AP1M1: variants seen among roughly 807,000 people sequenced by gnomAD.
AP1M1 encodes adaptor related protein complex 1 subunit mu 1.
AP1M1 carries 18 observed loss-of-function variants against 57.1 expected under a neutral mutation model. The ratio of observed to expected loss-of-function variants is 0.32; its 90% confidence interval spans 0.22 to 0.47. The LOEUF (loss-of-function observed/expected upper bound fraction) is 0.47, where lower values mean the gene tolerates loss of function less well. Ranked by LOEUF, AP1M1 falls within the 20% of genes least tolerant of loss-of-function variation. AP1M1 has a pLI of 1.00. For synonymous variants in AP1M1, 241 were observed against 237.9 expected (o/e 1.01, Z -0.12); for missense variants, 362 against 593.5 (o/e 0.61, Z 4.05).
Position 16,225,037 on chromosome 19 carries a change from C to T in AP1M1, c.547-1384C>T, listed in dbSNP as rs944816498. ...CACCATGGGATCAGGGAGCCGCTTG[C>T]GAGATGAGGACAGGACAGCACGAGG... On this transcript the variant is annotated intron_variant, in intron 5 of 11. Coordinates refer to ENST00000291439, the MANE Select transcript of AP1M1 (RefSeq NM_032493.4). Among the ~76,000 whole-genome samples the T allele has an allele frequency of 2.6e-5, 4 of 152,062 alleles. No individual in the cohort carries two copies. In the East Asian group the frequency reaches 5.8e-4, roughly 22 times the overall value.
At chr19:16,221,891 G>A (rs961990365) in intron 5 of AP1M1, among the ~76,000 whole-genome samples, 6 of 151,984 alleles carry the variant, frequency 3.9e-5, no homozygotes, top group African/African-American at 1.2e-4. Context: ...TCTCCATGTC[G>A]ATCAGGCTGG....
chr19:16,227,712 T>A lies in AP1M1; in HGVS notation c.816+22T>A. 6.2e-7 allele frequency: 1 copy of A among 1,608,952 alleles called. No homozygotes were observed. Among genetic ancestry groups the A allele is most frequent in the Non-Finnish European group, 8.5e-7 (1 of 1,176,458 alleles). ...CCACGTGAGTGCGCCACCCTGGGGC[T>A]GGGCTGTCGGCAGACTCCTCCTCCC... On this transcript the variant is annotated intron_variant, in intron 7 of 11. Transcript: ENST00000291439. The surrounding 1 kb of genome is among the most constrained non-coding windows in gnomAD (Gnocchi z 6.2).
intron 5 of AP1M1, among the ~76,000 whole-genome samples, chr19:16,221,153 G>A (rs1042979918): frequency 6.6e-6 from 1 of 152,078 alleles, no homozygotes; most frequent in Non-Finnish European, 1.5e-5. Flanking sequence ...TTGAGACAGA[G>A]TTTCATTCTT....
At position 16,237,589 on chromosome 19, in the gene AP1M1, C is replaced by G. The variant is rs1391196546; in HGVS notation, c.*3154C>G. 1 of 151,602 alleles carries G rather than the reference C, an allele frequency of 6.6e-6. No homozygotes were observed. Among genetic ancestry groups the G allele is most frequent in the African/African-American group, 2.4e-5 (1 of 41,264 alleles). The allele number at this position is 151,602 out of a possible 1,614,324, so 9.4% of individuals were successfully genotyped here. On this transcript the variant is annotated 3_prime_UTR_variant, in exon 12 of 12. Coordinates refer to ENST00000291439, the MANE Select transcript of AP1M1 (RefSeq NM_032493.4). ...CTCTACTAAAAATACCAAAATTAGCCAGGCATGGTGGCGGGCGCCTGTAAT... is the reference window on the plus strand; with the variant it reads ...CTCTACTAAAAATACCAAAATTAGCGAGGCATGGTGGCGGGCGCCTGTAAT...
At position 16,236,634 on chromosome 19, in the gene AP1M1, G is replaced by A. The variant is rs746804448; in HGVS notation, c.*2199G>A. The A allele has an allele frequency of 6.6e-6, 1 of 152,204 alleles. No individual in the cohort carries two copies. The highest frequency in any genetic ancestry group is 2.4e-5 in the African/African-American group (1 of 41,442). 9.4% of individuals were successfully genotyped at this position (152,204 alleles called of 1,614,324 possible). On this transcript the variant is annotated 3_prime_UTR_variant, in exon 12 of 12. Coordinates refer to ENST00000291439, the MANE Select transcript of AP1M1 (RefSeq NM_032493.4). Reference sequence around the variant, plus strand: ...GAAAAAACATTTGCCCTCCACCCCTGAGAATAAGCACTGTGTCCTCTCTCT... The same window carrying A: ...GAAAAAACATTTGCCCTCCACCCCTAAGAATAAGCACTGTGTCCTCTCTCT...
chr19:16,215,378 T>G (rs190281459), intron 5 of AP1M1, among the ~76,000 whole-genome samples: 11 of 141,250 alleles, frequency 7.8e-5, no homozygotes, highest in Admixed American at 5.3e-4. Flanking sequence ...GGAGAATTGC[T>G]TGAACCTGGG....
In AP1M1 at chr19:16,206,471, C is replaced by A; in HGVS notation, c.267+63C>A. The stretch of plus-strand genomic sequence containing the variant: ...GGTTGTCTTGGCTCTGCTTGTGGAC[C>A]TCCCCATACCTGGCCACCCTACAGA... On this transcript the variant is annotated intron_variant, in intron 3 of 11. Transcript: ENST00000291439. This position sits in a 1 kb window ranked among gnomAD's most constrained non-coding sequence, Gnocchi z 4.3. The A allele has an allele frequency of 6.4e-7, 1 of 1,550,636 alleles. No individual in the cohort carries two copies.
intron 4 of AP1M1, chr19:16,208,749 T>G (rs150070850): frequency 2.6e-4 from 88 of 334,184 alleles, no homozygotes; most frequent in African/African-American, 1.7e-3. Flanking sequence ...ACTTCTTGTT[T>G]TCCTTCCCAA....
chr19:16,203,440 T>C lies in AP1M1; in HGVS notation c.43-19T>C. 1.2e-6 allele frequency: 2 copies of C among 1,614,114 alleles called. No individual in the cohort carries two copies. Among genetic ancestry groups the C allele is most frequent in the South Asian group, 2.2e-5 (2 of 91,082 alleles). On this transcript the variant is annotated intron_variant, in intron 1 of 11. Transcript: ENST00000291439. The surrounding 1 kb of genome is among the most constrained non-coding windows in gnomAD (Gnocchi z 4.6). ...GAACTGAAAATGCAAGCATCTTTTC[T>C]CTTCCTTCCCCACCCCAGGTGCTCA...
rs979315746 is a variant in AP1M1, at chr19:16,235,099, C to T, written c.*664C>T. The T allele has an allele frequency of 2.6e-5, 4 of 152,448 alleles. No homozygotes were observed. The highest frequency in any genetic ancestry group is 4.8e-5 in the African/African-American group (2 of 41,464). The allele number at this position is 152,448 out of a possible 1,614,324, so 9.4% of individuals were successfully genotyped here. The stretch of plus-strand genomic sequence containing the variant: ...GTAGCGTCTGCCTGCTCCCTGGACT[C>T]GCAGGCCTCGCCTGTGGCGCCTTCC... On this transcript the variant is annotated 3_prime_UTR_variant, in exon 12 of 12. Transcript: ENST00000291439.
intron 9 of AP1M1, among the ~76,000 whole-genome samples, chr19:16,229,918 G>A (rs1031351765): frequency 6.6e-6 from 1 of 152,186 alleles, no homozygotes; most frequent in Non-Finnish European, 1.5e-5. Context: ...TCTTCTTGGC[G>A]GTCACCTTTG....
Position 16,238,980 on chromosome 19 carries a change from C to G in AP1M1, c.*4545C>G, listed in dbSNP as rs191341292. 3.4e-3 allele frequency: 516 copies of G among 153,074 alleles called. 1 individual carries two copies. The highest frequency in any genetic ancestry group is 6.6e-3 in the Middle Eastern group (2 of 302). The allele number at this position is 153,074 out of a possible 1,614,324, so 9.5% of individuals were successfully genotyped here. On this transcript the variant is annotated 3_prime_UTR_variant, in exon 12 of 12. Coordinates refer to ENST00000291439, the MANE Select transcript of AP1M1 (RefSeq NM_032493.4). The stretch of plus-strand genomic sequence containing the variant: ...CAGAGTTTTGCTCTTGTTGCCCAGG[C>G]TGGAGTGCAATGGTGTGATCTCGGC...
At chr19:16,208,512 A>G (rs189584709) in intron 4 of AP1M1, among the ~76,000 whole-genome samples, 1 of 152,234 alleles carries the variant, frequency 6.6e-6, no homozygotes, top group African/African-American at 2.4e-5. Context: ...ATGTGAATTA[A>G]GTGCTTCCTG....
Position 16,233,582 on chromosome 19 carries a change from G to A in AP1M1, c.1137G>A (p.Lys379=). 1 of 1,611,160 alleles carries A rather than the reference G, an allele frequency of 6.2e-7. No individual in the cohort carries two copies. The highest frequency in any genetic ancestry group is 8.5e-7 in the Non-Finnish European group (1 of 1,178,910). ...DKEGKPPISV[K]FEIPYFTTSG... ...AGGGCAAGCCCCCGATCAGTGTCAA[G>A]TTCGAGATCCCTTACTTCACTACCT... The change falls in exon 10 of 12, where the codon AAG becomes AAA. Residue 379 remains lysine, a synonymous_variant. Transcript: ENST00000291439.
At chr19:16,234,068 C>A (rs77964911) in intron 10 of AP1M1, 131 bp from the exon 11 acceptor site, 19 of 848,010 alleles carry the variant, frequency 2.2e-5, no homozygotes, top group East Asian at 8.0e-5. Flanking sequence ...CTTTCACCCC[C>A]CTGAGGCCTG....
Position 16,244,356 on chromosome 19 carries a change from C to T in AP1M1, c.*9921C>T, listed in dbSNP as rs2091655359. 6.6e-6 allele frequency: 1 copy of T among 152,226 alleles called. No homozygotes were observed. The highest frequency in any genetic ancestry group is 2.1e-4 in the South Asian group (1 of 4,836). The allele number at this position is 152,226 out of a possible 1,614,324, so 9.4% of individuals were successfully genotyped here. A position where few individuals can be genotyped will look rare whatever the true frequency, so the allele number is the denominator to read the frequency against. On this transcript the variant is annotated 3_prime_UTR_variant, in exon 12 of 12. Transcript: ENST00000291439. ...AAAATTGTAAACAGTGTACTCACATCAGGCACAAGGAAAGTGATCTCAGAC... is the reference window on the plus strand; with the variant it reads ...AAAATTGTAAACAGTGTACTCACATTAGGCACAAGGAAAGTGATCTCAGAC...
In AP1M1 at chr19:16,197,990, C is replaced by G; in HGVS notation, c.-37C>G. 6.5e-7 allele frequency: 1 copy of G among 1,547,298 alleles called. No homozygotes were observed. The highest frequency in any genetic ancestry group is 8.7e-7 in the Non-Finnish European group (1 of 1,149,954). ...GTCCCCACCGTCGCTGCCGCCGCCA[C>G]CGCCCTCGGCCGCTGCCGAGGCCTC... On this transcript the variant is annotated 5_prime_UTR_variant, in exon 1 of 12. Transcript: ENST00000291439.
rs1440233126 is a variant in AP1M1 at position 16,242,090 on chromosome 19, A to C, written c.*7655A>C. On this transcript the variant is annotated 3_prime_UTR_variant, in exon 12 of 12. Coordinates refer to ENST00000291439, the MANE Select transcript of AP1M1 (RefSeq NM_032493.4). ...TGCTTTGGGAGGCTGAGGCTGAGAC[A>C]GGTGAATTGCTTGAGCCTAGGAGTT... 1 of 152,256 alleles carries C rather than the reference A, an allele frequency of 6.6e-6. No homozygotes were observed. Among genetic ancestry groups the C allele is most frequent in the African/African-American group, 2.4e-5 (1 of 41,446 alleles). 9.4% of individuals were successfully genotyped at this position (152,256 alleles called of 1,614,324 possible).
intron 1 of AP1M1, chr19:16,198,335 C>T (rs1325480354): frequency 8.2e-6 from 2 of 242,474 alleles, no homozygotes; most frequent in Non-Finnish European, 1.6e-5. Flanking sequence ...CCCTCTGCTC[C>T]CCGGCGCCGG....
Sources: gnomAD v4.1 joint callset for allele counts (sites outside exome capture counted in the v4.1 genomes callset) on GRCh38, gnomAD v4.1.1 for gene constraint, Gnocchi (gnomAD v3.1) non-coding constraint, MANE v1.5 for transcripts, NCBI Gene and HGNC (gene_info 2026-07-23, HGNC 2026-07-21) for gene names.